The following NRXN1 variants were observed in gnomAD, a reference collection of about 807,000 sequenced individuals.
NRXN1 encodes neurexin-1.
A neutral mutation model predicts 150.9 loss-of-function variants in NRXN1; 39 were observed. That is an observed-to-expected ratio of 0.26 (90% CI 0.20 to 0.34). The LOEUF is 0.34. Ranked by LOEUF, NRXN1 falls within the 10% of genes least tolerant of loss-of-function variation. The pLI, the probability that NRXN1 is intolerant of heterozygous loss-of-function variation, is 1.00. For synonymous variants in NRXN1, 924 were observed against 757.0 expected (o/e 1.22, Z -3.62); for missense variants, 1,815 against 1,949.9 (o/e 0.93, Z 1.30).
chr2:50,579,896 A>G (rs2103633249), intron 8 of NRXN1, among the ~76,000 whole-genome samples: 1 of 152,294 alleles, frequency 6.6e-6, no homozygotes, highest in Non-Finnish European at 1.5e-5. Context: ...CAATGTCACT[A>G]AAGTTATCAT....
At chr2:50,787,711 T>TG (rs1705330872) in intron 5 of NRXN1, among the ~76,000 whole-genome samples, 1 of 129,742 alleles carries the variant, frequency 7.7e-6, no homozygotes. Context: ...GAAACATGTA[T>TG]TAAAAAAAAA....
intron 12 of NRXN1, among the ~76,000 whole-genome samples, chr2:50,523,487 A>C (rs904968015): frequency 1.3e-5 from 2 of 152,136 alleles, no homozygotes; most frequent in South Asian, 2.1e-4. Flanking sequence ...AGCCCCTAGA[A>C]ATTTCCTCAT....
At chr2:50,649,647 G>T (rs1423043995) in intron 5 of NRXN1, among the ~76,000 whole-genome samples, 1 of 151,946 alleles carries the variant, frequency 6.6e-6, no homozygotes, top group African/African-American at 2.4e-5. Flanking sequence ...ATGTAAAATG[G>T]AACTAGTAAT....
rs371473595 is a variant in NRXN1, at chr2:50,508,614, AT to A, written c.2375-1998del. ...GTGCTTTTGAAGCAGCTTCACTTCT[AT>A]TCTTTTCTTTTTTAAATATATTTTG... On this transcript the variant is annotated intron_variant, in intron 12 of 22. Coordinates refer to ENST00000401669, the MANE Select transcript of NRXN1 (RefSeq NM_001330078.2). 7.3e-4 allele frequency among the ~76,000 whole-genome samples: 111 copies of A among 151,590 alleles called. No individual in the cohort carries two copies. In the East Asian group the frequency reaches 8.9e-3, roughly 12 times the overall value.
chr2:50,394,108 A>G (rs2081911811), intron 17 of NRXN1, among the ~76,000 whole-genome samples: 2 of 152,018 alleles, frequency 1.3e-5, no homozygotes, highest in African/African-American at 4.8e-5. Flanking sequence ...AGATTCTGTT[A>G]TTTTGTGACC....
intron 5 of NRXN1, chr2:50,919,176 G>T (rs910531781): frequency 6.6e-6 from 1 of 151,682 alleles, no homozygotes. Context: ...GTCTCCAGCT[G>T]ACTTCGCCAT....
chr2:50,245,141 C>G (rs2066378430), intron 17 of NRXN1, among the ~76,000 whole-genome samples: 1 of 151,912 alleles, frequency 6.6e-6, no homozygotes, highest in East Asian at 1.9e-4. Context: ...GAAGTATCCC[C>G]TCCAGGAACA....
intron 17 of NRXN1, among the ~76,000 whole-genome samples, chr2:50,391,018 C>T (rs995175131): frequency 6.6e-6 from 1 of 152,026 alleles, no homozygotes; most frequent in African/African-American, 2.4e-5. Context: ...TTCTAATATG[C>T]TCTGGACTGA....
intron 17 of NRXN1, chr2:50,432,460 G>C (rs2085052159): frequency 6.6e-6 from 1 of 152,098 alleles, no homozygotes; most frequent in Non-Finnish European, 1.5e-5. Flanking sequence ...CTAGTTAAAA[G>C]CCCTCCACAG....
At chr2:50,472,576 TA>T in intron 15 of NRXN1, 105 bp from the exon 16 acceptor site, 1 of 832,624 alleles carries the variant, frequency 1.2e-6, no homozygotes, top group Non-Finnish European at 1.8e-6. Flanking sequence ...ATTAAGTTAA[TA>T]AAAAATTAAT....
chr2:50,239,547 A>G (rs2065792658), intron 17 of NRXN1, among the ~76,000 whole-genome samples: 1 of 149,004 alleles, frequency 6.7e-6, no homozygotes, highest in Admixed American at 6.8e-5. Context: ...GGCAGACATT[A>G]CTTCCATGCT....
intron 8 of NRXN1, among the ~76,000 whole-genome samples, chr2:50,566,267 T>C (rs1573573812): frequency 6.6e-6 from 1 of 152,082 alleles, no homozygotes; most frequent in South Asian, 2.1e-4. Context: ...TTAATTGAGA[T>C]GGAGTCTCAC....
intron 21 of NRXN1, among the ~76,000 whole-genome samples, chr2:50,005,383 C>G (rs72887883): frequency 0.47 from 71,612 of 151,996 alleles, 17,449 homozygotes; most frequent in Middle Eastern, 0.62. Flanking sequence ...GAGAGGAAGA[C>G]AACTTGCTCC....
chr2:50,208,098 A>C (rs2062745536), intron 18 of NRXN1, among the ~76,000 whole-genome samples: 1 of 152,082 alleles, frequency 6.6e-6, no homozygotes, highest in South Asian at 2.1e-4. Context: ...AGGAGAACCC[A>C]CTGTCTGGTG....
chr2:50,329,609 GTGTGTGTGTATATATATATATATATA>G (rs2076636184), intron 17 of NRXN1, among the ~76,000 whole-genome samples: 3 of 24,776 alleles, frequency 1.2e-4, no homozygotes, highest in Admixed American at 1.2e-3. Flanking sequence ...GTGTGTGTGT[GTGTGTGTGTATATATATATATATATA>G]TATATATATA....
chr2:50,161,438 G>A (rs574875604), intron 18 of NRXN1, among the ~76,000 whole-genome samples: 3 of 141,928 alleles, frequency 2.1e-5, no homozygotes, highest in South Asian at 4.5e-4. Flanking sequence ...TTCAAGACAT[G>A]GGTTAAAAAT....
At chr2:50,634,694 G>A (rs561748431) in intron 5 of NRXN1, among the ~76,000 whole-genome samples, 2 of 152,200 alleles carry the variant, frequency 1.3e-5, no homozygotes, top group South Asian at 4.2e-4. Context: ...ATTTTTAGTT[G>A]AAGTGGAGGA....
In NRXN1 at chr2:50,928,954, G is replaced by C. The variant is rs187114063; in HGVS notation, c.773-2999C>G. ...TTTCATTGGAAAAATAATGAATATAGAGCTGTGAAAAAGATACTTTACATT... is the reference window on the plus strand; with the variant it reads ...TTTCATTGGAAAAATAATGAATATACAGCTGTGAAAAAGATACTTTACATT... On this transcript the variant is annotated intron_variant, in intron 2 of 22. Transcript: ENST00000401669. 1.8e-3 allele frequency among the ~76,000 whole-genome samples: 271 copies of C among 152,080 alleles called. 1 individual carries two copies. The highest frequency in any genetic ancestry group is 2.7e-3 in the Non-Finnish European group (182 of 67,978).
chr2:50,405,912 A>C (rs2082720862), intron 17 of NRXN1, among the ~76,000 whole-genome samples: 1 of 152,152 alleles, frequency 6.6e-6, no homozygotes, highest in South Asian at 2.1e-4. Flanking sequence ...AATTCATTGA[A>C]ATTCTCACAA....
Sources: allele counts gnomAD v4.1 joint callset (sites outside exome capture counted in the v4.1 genomes callset), GRCh38; gene constraint gnomAD v4.1.1; transcripts MANE v1.5; gene names NCBI Gene and HGNC (gene_info 2026-07-23, HGNC 2026-07-21).